Variants in ANKS3 observed in about 807,000 individuals in gnomAD.
ANKS3 encodes ankyrin repeat and sterile alpha motif domain containing 3.
ANKS3 carries 62 observed loss-of-function variants against 80.7 expected under a neutral mutation model. That is an observed-to-expected ratio of 0.77 (90% CI 0.63 to 0.95). ANKS3 has a LOEUF of 0.95. Among genes scored for constraint, ANKS3 ranks in the 40% least tolerant of loss-of-function variants. The pLI, the probability that ANKS3 is intolerant of heterozygous loss-of-function variation, is 0.00. For missense variants in ANKS3, 1,150 were observed against 883.6 expected, an observed-to-expected ratio of 1.30 and a Z score of -3.82; for synonymous variants, 489 against 355.3, an observed-to-expected ratio of 1.38 and a Z score of -4.23.
chr16:4,729,951 G>A, intron 3 of ANKS3, 29 bp downstream of exon 3: 2 of 1,452,290 alleles, frequency 1.4e-6, no homozygotes, highest in Non-Finnish European at 1.8e-6. Flanking sequence ...TGCTCAAAAT[G>A]TGAGAGGAAG....
chr16:4,725,987 T>G (rs1402485718), intron 5 of ANKS3, among the ~76,000 whole-genome samples: 2 of 149,970 alleles, frequency 1.3e-5, no homozygotes, highest in Non-Finnish European at 1.5e-5. Flanking sequence ...TTTGTTTTTT[T>G]TTTTTTGAGA....
chr16:4,698,414 C>G lies in ANKS3; in HGVS notation c.1724+13G>C, dbSNP rs942796817. 1 of 1,501,020 alleles carries G rather than the reference C, an allele frequency of 6.7e-7. No individual in the cohort carries two copies. Among genetic ancestry groups the G allele is most frequent in the Non-Finnish European group, 8.9e-7 (1 of 1,129,338 alleles). 93.0% of individuals were successfully genotyped at this position (1,501,020 alleles called of 1,614,324 possible). A position where few individuals can be genotyped will look rare whatever the true frequency, so the allele number is the denominator to read the frequency against. ...ACTGGAGACCCAGCCCAGGGCAGCT[C>G]AGAGCCACTCACCGCAGCTGGTCCA... On this transcript the variant is annotated intron_variant, in intron 14 of 17. Transcript: ENST00000304283.
In ANKS3 at chr16:4,714,186, C is replaced by A. The variant is rs1567378186; in HGVS notation, c.574G>T (p.Gly192Ter). ...TGGTCTCTCGCGTCCACCTTGACTC[C>A]CTGTGAATGTCCGTGAAAGGGGGTT... Reference protein sequence around the residue: ...EIIVQYFLNHGVKVDARDHSG... With the variant: ...EIIVQYFLNH Residue 192 changes from glycine (G) to a stop codon, truncating the protein, a stop_gained and splice_region_variant, in exon 7 of 18, where the codon GGA (glycine) becomes TGA (stop). Coordinates refer to ENST00000304283, the MANE Select transcript of ANKS3 (RefSeq NM_133450.4). LOFTEE classifies it high-confidence loss of function. 2 of 1,613,958 alleles carry A rather than the reference C, an allele frequency of 1.2e-6. No individual in the cohort carries two copies. The highest frequency in any genetic ancestry group is 1.1e-5 in the South Asian group (1 of 91,056).
Position 4,697,343 on chromosome 16 carries a change from G to A in ANKS3, c.1884C>T (p.Val628=). Residue 628 remains valine (V), a synonymous_variant, in exon 16 of 18, where the codon GTC becomes GTT. Coordinates refer to ENST00000304283, the MANE Select transcript of ANKS3 (RefSeq NM_133450.4). ...PELSGALEDR[V]REMGQALCLV... Reference sequence around the variant, plus strand: ...TCCCCGGAGACTCACCCATCTCACGGACACGGTCCTCCAGGGCTCCCGAGA... The same window carrying A: ...TCCCCGGAGACTCACCCATCTCACGAACACGGTCCTCCAGGGCTCCCGAGA... 6.2e-7 allele frequency: 1 copy of A among 1,607,348 alleles called. No homozygotes were observed. Among genetic ancestry groups the A allele is most frequent in the Non-Finnish European group, 8.5e-7 (1 of 1,176,142 alleles).
At chr16:4,697,529 C>T (rs970278395) in intron 15 of ANKS3, 113 bp from the exon 16 acceptor site, 37 of 864,836 alleles carry the variant, frequency 4.3e-5, no homozygotes, top group Non-Finnish European at 6.2e-5. Context: ...ACCTCCCTAC[C>T]CGCCTGACAG....
intron 7 of ANKS3, among the ~76,000 whole-genome samples, chr16:4,711,876 T>C (rs965573024): frequency 7.2e-5 from 11 of 151,832 alleles, no homozygotes; most frequent in Admixed American, 1.3e-4. Flanking sequence ...ATAGAAGAAA[T>C]AGAAAAACTG....
Position 4,726,125 on chromosome 16 carries a change from G to C in ANKS3, c.491+534C>G, listed in dbSNP as rs859300. ...CGAGTAGCTGGGACTACAGGCGCCCGTCACCATGCCCAGCTAATTTTTTCG... is the reference window on the plus strand; with the variant it reads ...CGAGTAGCTGGGACTACAGGCGCCCCTCACCATGCCCAGCTAATTTTTTCG... On this transcript the variant is annotated intron_variant, in intron 5 of 17. Transcript: ENST00000304283. 7.3e-5 allele frequency among the ~76,000 whole-genome samples: 11 copies of C among 151,334 alleles called. No individual in the cohort carries two copies. The East Asian group carries it at 2.1e-3, about 30-fold the overall frequency.
chr16:4,714,030 G>C, intron 7 of ANKS3, 21 bp downstream of exon 7: 1 of 1,613,340 alleles, frequency 6.2e-7, no homozygotes, highest in Non-Finnish European at 8.5e-7. Context: ...CCAGCAGGGC[G>C]CGGCTGGCAG....
intron 11 of ANKS3, 83 bp from the exon 12 acceptor site, chr16:4,699,259 C>G (rs1173862314): frequency 8.5e-6 from 13 of 1,525,672 alleles, no homozygotes; most frequent in Admixed American, 3.9e-5. Context: ...AGCCCCACCA[C>G]TTCCCCAGGC....
intron 6 of ANKS3, among the ~76,000 whole-genome samples, chr16:4,720,681 C>CT (rs1296242408): frequency 1.3e-5 from 2 of 151,398 alleles, no homozygotes; most frequent in African/African-American, 2.4e-5. Context: ...TGGCTCATGC[C>CT]TGTAATCTCA....
At chr16:4,728,886 T>C (rs2081487749) in intron 3 of ANKS3, among the ~76,000 whole-genome samples, 1 of 152,130 alleles carries the variant, frequency 6.6e-6, no homozygotes, top group Admixed American at 6.5e-5. Context: ...TGTACCAAGG[T>C]GCACCAGCAC....
At chr16:4,709,595 A>C (rs144518891) in intron 7 of ANKS3, among the ~76,000 whole-genome samples, 290 of 152,298 alleles carry the variant, frequency 1.9e-3, no homozygotes, top group African/African-American at 5.7e-3. Context: ...GAAGACAGAA[A>C]ATGAGTTTAT....
At chr16:4,730,608 T>A (rs2081566705) in intron 2 of ANKS3, among the ~76,000 whole-genome samples, 1 of 152,190 alleles carries the variant, frequency 6.6e-6, no homozygotes, top group Non-Finnish European at 1.5e-5. Flanking sequence ...GGCTCACACC[T>A]GTAATCCCAG....
chr16:4,707,227 T>C (rs1354841086), intron 7 of ANKS3, among the ~76,000 whole-genome samples: 1 of 151,044 alleles, frequency 6.6e-6, no homozygotes, highest in African/African-American at 2.4e-5. Flanking sequence ...GCTGCAATCC[T>C]GCTATCAACG....
chr16:4,733,985 C>G lies in ANKS3; in HGVS notation c.-118G>C, dbSNP rs2081812506. On this transcript the variant is annotated 5_prime_UTR_variant, in exon 1 of 18. An upstream open reading frame in the 5' UTR loses its in-frame stop. Coordinates refer to ENST00000304283, the MANE Select transcript of ANKS3 (RefSeq NM_133450.4). ...CCCCGGCCACATCCCCACAGGAACG[C>G]TACGGCGCACAGGGCATTACTGTGC... 2.0e-6 allele frequency: 2 copies of G among 985,414 alleles called. No homozygotes were observed. Among genetic ancestry groups the G allele is most frequent in the Non-Finnish European group, 2.4e-6 (2 of 829,996 alleles). The allele number at this position is 985,414 out of a possible 1,614,324, so 61.0% of individuals were successfully genotyped here.
At chr16:4,714,776 G>A (rs545464154) in intron 6 of ANKS3, among the ~76,000 whole-genome samples, 3 of 151,428 alleles carry the variant, frequency 2.0e-5, no homozygotes, top group South Asian at 4.2e-4. Flanking sequence ...GGCAGATCAC[G>A]AGGTCAGGAG....
Position 4,698,505 on chromosome 16 carries a change from G to A in ANKS3, c.1646C>T (p.Ala549Val), listed in dbSNP as rs767449077. The A allele has an allele frequency of 6.4e-7, 1 of 1,559,738 alleles. No individual in the cohort carries two copies. Among genetic ancestry groups the A allele is most frequent in the Non-Finnish European group, 8.6e-7 (1 of 1,160,618 alleles). The change falls in exon 14 of 18, where the codon GCC (alanine) becomes GTC (valine). Residue 549 changes from alanine to valine, a missense_variant. Coordinates refer to ENST00000304283, the MANE Select transcript of ANKS3 (RefSeq NM_133450.4). ...CAGCCGGGCCTGGAGGTCCTCGCGG[G>A]CGCGGTCCTGCTCCAGCAGGCAGCT... ...VESCLLEQDR[A>V]REDLQARLRE... is the part of the protein sequence containing the mutation.
rs1333682029 is a variant in ANKS3, at chr16:4,701,224, G to A, written c.1120-90C>T. Reference sequence around the variant, plus strand: ...CACCCGCCACACAGGGGCTTGAGAGGCTTCGTGAAACCCCCCACCCGCCAC... The same window carrying A: ...CACCCGCCACACAGGGGCTTGAGAGACTTCGTGAAACCCCCCACCCGCCAC... On this transcript the variant is annotated intron_variant, in intron 10 of 17. Transcript: ENST00000304283. The A allele has an allele frequency of 1.9e-6, 3 of 1,575,464 alleles. No individual in the cohort carries two copies. The East Asian group carries it at 6.8e-5, about 36-fold the overall frequency.
At chr16:4,726,582 C>G in intron 5 of ANKS3, 77 bp downstream of exon 5, 1 of 1,527,540 alleles carries the variant, frequency 6.5e-7, no homozygotes. Flanking sequence ...CTCTGGTTAG[C>G]TGCCTCCAGA....
Sources: allele counts gnomAD v4.1 joint callset (sites outside exome capture counted in the v4.1 genomes callset), GRCh38; gene constraint gnomAD v4.1.1; transcripts MANE v1.5; gene names NCBI Gene and HGNC (gene_info 2026-07-23, HGNC 2026-07-21).